RUNX1T1: variants seen among roughly 807,000 people sequenced by gnomAD.
The protein encoded by RUNX1T1 is RUNX1 partner transcriptional co-repressor 1, also known as protein CBFA2T1.
Under a neutral mutation model 62.8 loss-of-function variants are expected in RUNX1T1, and 4 were observed. The observed-to-expected ratio is 0.06, with a 90% confidence interval of 0.03 to 0.15. The LOEUF (loss-of-function observed/expected upper bound fraction) is 0.15. RUNX1T1 is among the 10% of genes least tolerant of loss of function. The pLI, the probability that RUNX1T1 is intolerant of heterozygous loss-of-function variation, is 1.00. For missense variants in RUNX1T1, 508 were observed against 754.3 expected (o/e 0.67, Z 3.82); for synonymous variants, 291 against 286.0 (o/e 1.02, Z -0.18).
intron 1 of RUNX1T1, among the ~76,000 whole-genome samples, chr8:92,081,976 C>G (rs1026116965): frequency 2.6e-5 from 4 of 152,172 alleles, no homozygotes; most frequent in Non-Finnish European, 5.9e-5. Flanking sequence ...AGCTCCGCCT[C>G]CCAGGTTCAC....
chr8:91,986,289 T>G, exon 8 of RUNX1T1: 1 of 1,614,022 alleles, frequency 6.2e-7, no homozygotes, highest in South Asian at 1.1e-5. Flanking sequence ...AGAGATCGCC[T>G]TGTTTTTTCT....
At chr8:92,070,073 A>C (rs1486543021) in intron 2 of RUNX1T1, among the ~76,000 whole-genome samples, 1 of 152,212 alleles carries the variant, frequency 6.6e-6, no homozygotes, top group Non-Finnish European at 1.5e-5. Flanking sequence ...CCTCAGTGCA[A>C]GTCTCCAAAC....
rs939266181 is a variant in RUNX1T1, at chr8:92,095,067, T to C, written c.-86+4513A>G. 7.2e-6 allele frequency: 11 copies of C among 1,535,486 alleles called. No individual in the cohort carries two copies. The Admixed American group carries it at 1.4e-4, about 19-fold the overall frequency. The stretch of plus-strand genomic sequence containing the variant: ...TCTGGATAGCAGAGGTGATGGGAGA[T>C]AGCGTCAAGGCCAGGGGTAGATGCC... On this transcript the variant is annotated intron_variant, in intron 1 of 11. Transcript: ENST00000265814.
At chr8:91,978,332 T>G (rs1319483859) in intron 8 of RUNX1T1, among the ~76,000 whole-genome samples, 1 of 152,182 alleles carries the variant, frequency 6.6e-6, no homozygotes, top group Non-Finnish European at 1.5e-5. Flanking sequence ...TTGAGAGCAC[T>G]GCTGTGAAGA....
At chr8:91,983,936 C>G (rs560235896) in intron 8 of RUNX1T1, among the ~76,000 whole-genome samples, 1 of 152,174 alleles carries the variant, frequency 6.6e-6, no homozygotes. Flanking sequence ...AACTTGCACA[C>G]TGCAGAGTTC....
At chr8:92,032,229 T>C (rs1371894956) in intron 1 of RUNX1T1, among the ~76,000 whole-genome samples, 1 of 149,104 alleles carries the variant, frequency 6.7e-6, no homozygotes, top group Admixed American at 6.7e-5. Flanking sequence ...GAAATGGATA[T>C]ACCTTTAAGA....
chr8:91,985,180 C>T (rs1218497147), intron 8 of RUNX1T1, among the ~76,000 whole-genome samples: 1 of 152,136 alleles, frequency 6.6e-6, no homozygotes, highest in Non-Finnish European at 1.5e-5. Context: ...ATGGGGCCAA[C>T]GCATAAGATA....
intron 10 of RUNX1T1, among the ~76,000 whole-genome samples, chr8:91,963,467 T>C (rs1810960166): frequency 6.7e-6 from 1 of 149,850 alleles, no homozygotes; most frequent in Non-Finnish European, 1.5e-5. Flanking sequence ...TAAAAGCTCA[T>C]TAGAAAACTG....
chr8:91,995,670 C>G lies in RUNX1T1; in HGVS notation c.660-3781G>C, dbSNP rs185147326. 1.2e-4 allele frequency among the ~76,000 whole-genome samples: 18 copies of G among 152,088 alleles called. No individual in the cohort carries two copies. The East Asian group carries it at 3.3e-3, about 28-fold the overall frequency. On this transcript the variant is annotated intron_variant, in intron 5 of 10. Transcript: ENST00000396218. ...GACATGGTGACATACACCCATAGTT[C>G]TAACTACTCCAGAAGCTGGGGCAGG... is the stretch of plus-strand genomic sequence containing the variant.
chr8:92,102,277 G>A (rs967508587), upstream of RUNX1T1, among the ~76,000 whole-genome samples: 1 of 152,184 alleles, frequency 6.6e-6, no homozygotes, highest in South Asian at 2.1e-4. The surrounding 1 kb of genome is among the most constrained non-coding windows in gnomAD (Gnocchi z 4.5). Context: ...TTCGCAGGCA[G>A]GCGCAGAGCG....
At chr8:92,030,627 C>G (rs1425324977) in intron 1 of RUNX1T1, among the ~76,000 whole-genome samples, 1 of 152,198 alleles carries the variant, frequency 6.6e-6, no homozygotes, top group Non-Finnish European at 1.5e-5. Flanking sequence ...CCTAAACCAC[C>G]CCGGTGAAAA....
chr8:92,094,789 A>T (rs1435617309), intron 1 of RUNX1T1, among the ~76,000 whole-genome samples: 1 of 152,212 alleles, frequency 6.6e-6, no homozygotes, highest in Non-Finnish European at 1.5e-5. Flanking sequence ...ATTTTAAGTC[A>T]TTCAAATTGC....
intron 1 of RUNX1T1, among the ~76,000 whole-genome samples, chr8:92,084,046 C>G (rs1376783723): frequency 2.6e-5 from 4 of 151,910 alleles, no homozygotes; most frequent in Non-Finnish European, 5.9e-5. Context: ...GGGAGTTGAA[C>G]AATGAGAACA....
In RUNX1T1 at chr8:91,981,404, C is replaced by CTTTTTTTTTT. The variant is rs67366711; in HGVS notation, c.1198+4710_1198+4719dup. 2.3e-4 allele frequency among the ~76,000 whole-genome samples: 15 copies of CTTTTTTTTTT among 63,882 alleles called. 4 individuals are homozygous for CTTTTTTTTTT. The highest frequency in any genetic ancestry group is 7.5e-4 in the African/African-American group (12 of 16,010). The allele number at this position is 63,882 out of a possible 152,430, so 41.9% of individuals were successfully genotyped here. On this transcript the variant is annotated intron_variant, in intron 8 of 10. Transcript: ENST00000396218. ...TTCAACAAACTCCTAAGTTACTAAG[C>CTTTTTTTTTT]TTTTTTTTTTTTTTTTTTTTTTTTT...
At chr8:92,023,973 C>T (rs1304973477) in intron 1 of RUNX1T1, among the ~76,000 whole-genome samples, 2 of 152,100 alleles carry the variant, frequency 1.3e-5, no homozygotes, top group Non-Finnish European at 2.9e-5. Flanking sequence ...AGCAGGTCTA[C>T]AGCACAAAAG....
At chr8:91,991,549 G>T in intron 6 of RUNX1T1, 90 bp downstream of exon 7, 1 of 1,363,628 alleles carries the variant, frequency 7.3e-7, no homozygotes, top group Non-Finnish European at 1.0e-6. Flanking sequence ...CCCTATCACA[G>T]ATTTCAAGCC....
intron 1 of RUNX1T1, among the ~76,000 whole-genome samples, chr8:92,035,249 C>A (rs891856837): frequency 6.7e-6 from 1 of 150,034 alleles, no homozygotes; most frequent in Admixed American, 6.7e-5. Flanking sequence ...GAGCCAATAT[C>A]GCGCCATTGC....
chr8:92,020,992 A>AAACAAC (rs1008358127), intron 1 of RUNX1T1, among the ~76,000 whole-genome samples: 1 of 152,076 alleles, frequency 6.6e-6, no homozygotes, highest in East Asian at 1.9e-4. Context: ...GACCAGTATA[A>AAACAAC]AACAACAACA....
At chr8:91,987,474 T>G (rs1816817249) in intron 6 of RUNX1T1, among the ~76,000 whole-genome samples, 1 of 152,040 alleles carries the variant, frequency 6.6e-6, no homozygotes, top group African/African-American at 2.4e-5. Context: ...TACATATACC[T>G]CCGTGATAAA....
Sources: gnomAD v4.1 joint callset for allele counts (sites outside exome capture counted in the v4.1 genomes callset) on GRCh38, gnomAD v4.1.1 for gene constraint, Gnocchi (gnomAD v3.1) non-coding constraint, MANE v1.5 for transcripts, NCBI Gene and HGNC (gene_info 2026-07-23, HGNC 2026-07-21) for gene names.